Variants in NEMP2 observed in about 807,000 individuals in gnomAD.
NEMP2 encodes the protein UPF0571 transmembrane protein.
NEMP2 carries 53 observed loss-of-function variants against 54.2 expected under a neutral mutation model. That is an observed-to-expected ratio of 0.98 (90% confidence interval 0.78 to 1.23). NEMP2 has a LOEUF of 1.23. Ranked by LOEUF, NEMP2 falls within the 50% of genes most tolerant of loss-of-function variation. The pLI, the probability that NEMP2 is intolerant of heterozygous loss-of-function variation, is 0.00. For synonymous variants in NEMP2, 197 were observed against 190.3 expected, an observed-to-expected ratio of 1.04 and a Z score of -0.29; for missense variants, 455 against 511.3, an observed-to-expected ratio of 0.89 and a Z score of 1.06.
chr2:190,441,783 G>C, the NEMP2 span, among the ~76,000 whole-genome samples: 1 of 152,092 alleles, frequency 6.6e-6, no homozygotes, highest in Non-Finnish European at 1.5e-5. Context: ...CCCACCCACT[G>C]TGGGTGGCCC....
chr2:190,493,140 C>T, the NEMP2 span, among the ~76,000 whole-genome samples: 1 of 151,904 alleles, frequency 6.6e-6, no homozygotes, highest in Non-Finnish European at 1.5e-5. Flanking sequence ...AAGAGACTCG[C>T]CTAACACATA....
the NEMP2 span, among the ~76,000 whole-genome samples, chr2:190,488,133 C>T: frequency 6.6e-6 from 1 of 152,216 alleles, no homozygotes; most frequent in African/African-American, 2.4e-5. This position sits in a 1 kb window ranked among gnomAD's most constrained non-coding sequence, Gnocchi z 6.4. Flanking sequence ...AATCTCCTGA[C>T]CTCGTGATCC....
In NEMP2 at chr2:190,514,428, G is replaced by C; in HGVS notation, c.953+25C>G. The C allele has an allele frequency of 1.3e-6, 2 of 1,535,018 alleles. No individual in the cohort carries two copies. Among genetic ancestry groups the C allele is most frequent in the South Asian group, 1.2e-5 (1 of 83,324 alleles). On this transcript the variant is annotated intron_variant, in intron 7 of 8. Transcript: ENST00000409150. The surrounding 1 kb of genome is among the most constrained non-coding windows in gnomAD (Gnocchi z 5.7). The stretch of plus-strand genomic sequence containing the variant: ...AACTAGAGCTCAAAATGTCAAATTT[G>C]CTGGGGGAAAAAAATGATACATACC...
chr2:190,451,257 G>T, the NEMP2 span, among the ~76,000 whole-genome samples: 1 of 152,132 alleles, frequency 6.6e-6, no homozygotes, highest in Non-Finnish European at 1.5e-5. The surrounding 1 kb of genome is among the most constrained non-coding windows in gnomAD (Gnocchi z 5.0). Context: ...TAAGCCTCAG[G>T]TTCCTCATTG....
At chr2:190,648,517 T>TG in the NEMP2 span, 1 of 5,974 alleles carries the variant, frequency 1.7e-4, no homozygotes, top group Non-Finnish European at 5.1e-4. Flanking sequence ...CGCGCTGTTG[T>TG]TTTTTTTTTT....
chr2:190,556,303 A>T, the NEMP2 span, among the ~76,000 whole-genome samples: 1 of 152,228 alleles, frequency 6.6e-6, no homozygotes, highest in African/African-American at 2.4e-5. Flanking sequence ...AACTCTCAAT[A>T]AACTAGGCAT....
At chr2:190,477,178 C>A in the NEMP2 span, 3 of 848,440 alleles carry the variant, frequency 3.5e-6, no homozygotes, top group African/African-American at 5.5e-5. Context: ...ACGTTGTGCA[C>A]ATGTACCCTA....
chr2:190,456,074 G>C, the NEMP2 span, among the ~76,000 whole-genome samples: 2 of 150,064 alleles, frequency 1.3e-5, no homozygotes, highest in Non-Finnish European at 1.5e-5. This position sits in a 1 kb window ranked among gnomAD's most constrained non-coding sequence, Gnocchi z 5.4. Flanking sequence ...TCTTGTAGCT[G>C]GGATTACAGG....
the NEMP2 span, among the ~76,000 whole-genome samples, chr2:190,427,520 A>G: frequency 6.6e-6 from 1 of 152,156 alleles, no homozygotes; most frequent in East Asian, 1.9e-4. Context: ...ATCTTCACCC[A>G]TCAGTATTTC....
At chr2:190,486,752 A>G in the NEMP2 span, among the ~76,000 whole-genome samples, 1 of 152,202 alleles carries the variant, frequency 6.6e-6, no homozygotes, top group African/African-American at 2.4e-5. Context: ...CCAAAATACG[A>G]GTTAAGAGTC....
chr2:190,539,183 C>T (rs924986037), upstream of NEMP2, among the ~76,000 whole-genome samples: 2 of 152,114 alleles, frequency 1.3e-5, no homozygotes, highest in African/African-American at 2.4e-5. This position sits in a 1 kb window ranked among gnomAD's most constrained non-coding sequence, Gnocchi z 4.1. Flanking sequence ...CCATTTTTCC[C>T]AGCACATTTT....
At chr2:190,526,579 T>G (rs960831132) in intron 1 of NEMP2, among the ~76,000 whole-genome samples, 1 of 151,662 alleles carries the variant, frequency 6.6e-6, no homozygotes, top group Non-Finnish European at 1.5e-5. Flanking sequence ...GCGGGAGAAA[T>G]AACAGATTAG....
chr2:190,469,981 G>A, the NEMP2 span: 1 of 651,442 alleles, frequency 1.5e-6, no homozygotes, highest in Non-Finnish European at 2.6e-6. The surrounding 1 kb of genome is among the most constrained non-coding windows in gnomAD (Gnocchi z 5.3). Context: ...TGATTTTGAA[G>A]TGGTTGTTAA....
chr2:190,587,228 A>G, the NEMP2 span, among the ~76,000 whole-genome samples: 1 of 152,126 alleles, frequency 6.6e-6, no homozygotes, highest in African/African-American at 2.4e-5. This position sits in a 1 kb window ranked among gnomAD's most constrained non-coding sequence, Gnocchi z 5.4. Context: ...AGAGCCTTGA[A>G]AGCTGGAGCT....
At chr2:190,580,339 C>T in the NEMP2 span, among the ~76,000 whole-genome samples, 9 of 152,014 alleles carry the variant, frequency 5.9e-5, no homozygotes, top group African/African-American at 9.7e-5. The surrounding 1 kb of genome is among the most constrained non-coding windows in gnomAD (Gnocchi z 5.3). Flanking sequence ...TCTTTAGTGG[C>T]GAATATAAGA....
the NEMP2 span, among the ~76,000 whole-genome samples, chr2:190,439,360 C>T: frequency 2.0e-5 from 3 of 151,538 alleles, no homozygotes; most frequent in Non-Finnish European, 2.9e-5. The surrounding 1 kb of genome is among the most constrained non-coding windows in gnomAD (Gnocchi z 5.8). Context: ...TTTTTTTTCA[C>T]GTTTTATTTG....
At chr2:190,534,728 G>C (rs1691307991), upstream of NEMP2, 19 of 1,132,570 alleles carry the variant, frequency 1.7e-5, no homozygotes, top group East Asian at 3.2e-5. Context: ...GAAGTGGCGC[G>C]GGGGCTCAGA....
chr2:190,618,126 G>A, the NEMP2 span, among the ~76,000 whole-genome samples: 1 of 152,184 alleles, frequency 6.6e-6, no homozygotes. Context: ...ACCTGAGCAG[G>A]TTCTCTACTT....
At chr2:190,467,494 T>A in the NEMP2 span, among the ~76,000 whole-genome samples, 1 of 152,168 alleles carries the variant, frequency 6.6e-6, no homozygotes, top group Admixed American at 6.5e-5. This position sits in a 1 kb window ranked among gnomAD's most constrained non-coding sequence, Gnocchi z 5.5. Context: ...ATTCCTGTAA[T>A]CCCAGCTAGT....
Sources: gnomAD v4.1 joint callset for allele counts (sites outside exome capture counted in the v4.1 genomes callset) on GRCh38, gnomAD v4.1.1 for gene constraint, Gnocchi (gnomAD v3.1) non-coding constraint, MANE v1.5 for transcripts, NCBI Gene and HGNC (gene_info 2026-07-23, HGNC 2026-07-21) for gene names.